CTNNA3: variants seen among roughly 807,000 people sequenced by gnomAD.
CTNNA3 encodes the protein catenin alpha 3, also known as catenin alpha-3.
CTNNA3 carries 76 observed loss-of-function variants against 95.7 expected under a neutral mutation model. The observed-to-expected ratio is 0.79, with a 90% CI of 0.66 to 0.96. CTNNA3 has a LOEUF of 0.96. Ranked by LOEUF, CTNNA3 falls within the 40% of genes least tolerant of loss-of-function variation. The pLI is 0.00. For missense variants in CTNNA3, 1,191 were observed against 1,089.8 expected (o/e 1.09, Z -1.31); for synonymous variants, 431 against 374.4 (o/e 1.15, Z -1.74).
Position 66,691,242 on chromosome 10 carries a change from G to A in CTNNA3, c.1282-69458C>T, listed in dbSNP as rs562588227. Among the ~76,000 whole-genome samples, 924 of 152,228 alleles carry A rather than the reference G, an allele frequency of 6.1e-3. 10 individuals carry two copies. Among genetic ancestry groups the A allele is most frequent in the African/African-American group, 0.016 (673 of 41,534 alleles). ...GTGACAGACGGCACCTGGAAAATCG[G>A]GTCACTCCCACCCTAATACTGCGCT... On this transcript the variant is annotated intron_variant, in intron 9 of 17. Transcript: ENST00000433211.
At chr10:66,981,925 C>T (rs1850465615) in intron 7 of CTNNA3, among the ~76,000 whole-genome samples, 1 of 152,182 alleles carries the variant, frequency 6.6e-6, no homozygotes, top group Non-Finnish European at 1.5e-5. Context: ...ATGAAATCCA[C>T]AGGAAGCTCC....
chr10:67,689,713 T>G (rs9971176), intron 1 of CTNNA3, among the ~76,000 whole-genome samples: 1 of 151,740 alleles, frequency 6.6e-6, no homozygotes, highest in East Asian at 1.9e-4. Flanking sequence ...GAAGTACCAT[T>G]AAAGTGGAAG....
At chr10:66,881,471 C>T (rs936222028) in intron 7 of CTNNA3, among the ~76,000 whole-genome samples, 1 of 152,052 alleles carries the variant, frequency 6.6e-6, no homozygotes, top group African/African-American at 2.4e-5. Flanking sequence ...CCTACAAAGG[C>T]CTTGGCTTCA....
At chr10:67,703,772 C>T (rs1841059917) in intron 1 of CTNNA3, among the ~76,000 whole-genome samples, 1 of 152,126 alleles carries the variant, frequency 6.6e-6, no homozygotes, top group African/African-American at 2.4e-5. Context: ...GAAGTCCTGG[C>T]CAGGGCAATC....
chr10:67,314,545 AAT>A (rs1230999137), intron 5 of CTNNA3, among the ~76,000 whole-genome samples: 1 of 152,222 alleles, frequency 6.6e-6, no homozygotes, highest in Non-Finnish European at 1.5e-5. Flanking sequence ...AAATGCAGAA[AAT>A]ATAAATAATA....
At chr10:66,444,579 T>A (rs922431054) in intron 11 of CTNNA3, among the ~76,000 whole-genome samples, 1 of 152,064 alleles carries the variant, frequency 6.6e-6, no homozygotes, top group Non-Finnish European at 1.5e-5. Context: ...AAACTAAGCT[T>A]CATAAGTGAA....
chr10:67,728,197 T>C (rs1156810407), intron 1 of CTNNA3, among the ~76,000 whole-genome samples: 1 of 148,430 alleles, frequency 6.7e-6, no homozygotes, highest in African/African-American at 2.5e-5. Context: ...CTCACACCTG[T>C]AATCCTAGCA....
At chr10:66,065,473 T>G (rs192098489) in intron 15 of CTNNA3, among the ~76,000 whole-genome samples, 2 of 152,144 alleles carry the variant, frequency 1.3e-5, no homozygotes, top group Non-Finnish European at 2.9e-5. Context: ...TTACCTATCT[T>G]TTTAAATAAG....
chr10:65,959,884 A>C (rs1278627392), intron 17 of CTNNA3, among the ~76,000 whole-genome samples: 3 of 152,152 alleles, frequency 2.0e-5, no homozygotes, highest in Non-Finnish European at 4.4e-5. Context: ...ATGTGAACTG[A>C]AGCTGCATCA....
chr10:67,211,125 A>G lies in CTNNA3; in HGVS notation c.843+8482T>C, dbSNP rs535369436. ...TTATTTTCTAGCTCCCATTAAGCAC[A>G]TGACAATGTGGAAATAGAGAACAAG... is the stretch of plus-strand genomic sequence containing the variant. On this transcript the variant is annotated intron_variant, in intron 6 of 17. Coordinates refer to ENST00000433211, the MANE Select transcript of CTNNA3 (RefSeq NM_013266.4). Among the ~76,000 whole-genome samples, 4 of 152,252 alleles carry G rather than the reference A, an allele frequency of 2.6e-5. No homozygotes were observed. In the East Asian group the frequency reaches 7.8e-4, roughly 30 times the overall value.
At chr10:66,905,123 A>G (rs1564755763) in intron 7 of CTNNA3, among the ~76,000 whole-genome samples, 1 of 152,216 alleles carries the variant, frequency 6.6e-6, no homozygotes, top group African/African-American at 2.4e-5. Flanking sequence ...AACCAACCCA[A>G]ATGTCCATCA....
rs554687500 is a variant in CTNNA3, at chr10:67,108,904, CAAAT to C, written c.1047+71409_1047+71412del. Among the ~76,000 whole-genome samples, 33 of 152,166 alleles carry C rather than the reference CAAAT, an allele frequency of 2.2e-4. No individual in the cohort carries two copies. The East Asian group carries it at 6.2e-3, about 28-fold the overall frequency. On this transcript the variant is annotated intron_variant, in intron 7 of 17. Coordinates refer to ENST00000433211, the MANE Select transcript of CTNNA3 (RefSeq NM_013266.4). ...CCCACAATCTTTGCAAATTAATCCT[CAAAT>C]GAAAAGGATTTAATTTAGCTATTCC...
chr10:66,356,069 T>C (rs1001452696), intron 12 of CTNNA3, among the ~76,000 whole-genome samples: 6 of 151,628 alleles, frequency 4.0e-5, no homozygotes, highest in African/African-American at 1.4e-4. Flanking sequence ...AGTTTTATAG[T>C]GCAAGTCTCA....
intron 15 of CTNNA3, among the ~76,000 whole-genome samples, chr10:65,995,639 G>A (rs917813845): frequency 1.3e-5 from 2 of 152,174 alleles, no homozygotes; most frequent in Non-Finnish European, 2.9e-5. Flanking sequence ...GGCTTTCTTG[G>A]GTTCTGGCAG....
intron 10 of CTNNA3, among the ~76,000 whole-genome samples, chr10:66,524,515 T>C (rs111965596): frequency 0.023 from 506 of 22,466 alleles, 4 homozygotes; most frequent in African/African-American, 0.096. Flanking sequence ...TGGCTGGTGA[T>C]GGTTATGAGG....
chr10:67,469,442 T>C (rs1847732366), intron 5 of CTNNA3, among the ~76,000 whole-genome samples: 2 of 152,018 alleles, frequency 1.3e-5, no homozygotes, highest in African/African-American at 4.8e-5. Flanking sequence ...TAAGGATGAG[T>C]TCATGTCCTT....
chr10:67,195,589 C>G (rs1214115996), intron 6 of CTNNA3, among the ~76,000 whole-genome samples: 1 of 152,004 alleles, frequency 6.6e-6, no homozygotes, highest in Non-Finnish European at 1.5e-5. Flanking sequence ...CCATCTATAC[C>G]TGATGAATAA....
intron 7 of CTNNA3, among the ~76,000 whole-genome samples, chr10:67,018,102 T>C (rs1057223805): frequency 6.6e-6 from 1 of 152,206 alleles, no homozygotes; most frequent in African/African-American, 2.4e-5. Context: ...ATATTTTAAC[T>C]TAAAATATAT....
At chr10:66,570,276 T>C (rs796869485) in intron 10 of CTNNA3, among the ~76,000 whole-genome samples, 3 of 132,192 alleles carry the variant, frequency 2.3e-5, no homozygotes, top group African/African-American at 9.8e-5. Context: ...AAAAATATGA[T>C]TTGTTTTGTT....
Sources: allele counts gnomAD v4.1 joint callset (sites outside exome capture counted in the v4.1 genomes callset), GRCh38; gene constraint gnomAD v4.1.1; transcripts MANE v1.5; gene names NCBI Gene and HGNC (gene_info 2026-07-23, HGNC 2026-07-21).